EXOC6B: variants seen among roughly 807,000 people sequenced by gnomAD.
EXOC6B encodes the protein SEC15 homolog B.
In EXOC6B, 54 loss-of-function variants were observed where a neutral mutation model predicts 113.5. The observed-to-expected ratio is 0.48, with a 90% CI of 0.38 to 0.60. EXOC6B has a LOEUF of 0.60. EXOC6B is among the 20% of genes least tolerant of loss of function. The probability of loss-of-function intolerance (pLI) is 0.00; values close to 1 mark genes in which losing one functional copy is unlikely to be tolerated. For synonymous variants in EXOC6B, 357 were observed against 339.0 expected (o/e 1.05, Z -0.58); for missense variants, 797 against 977.5 (o/e 0.82, Z 2.46).
chr2:72,727,025 T>C (rs1395533556), intron 5 of EXOC6B, among the ~76,000 whole-genome samples: 1 of 152,130 alleles, frequency 6.6e-6, no homozygotes, highest in Non-Finnish European at 1.5e-5. Context: ...CATGCCATTT[T>C]ATATAAGGGA....
chr2:72,187,912 C>T (rs1678547699), intron 20 of EXOC6B, among the ~76,000 whole-genome samples: 2 of 152,348 alleles, frequency 1.3e-5, no homozygotes, highest in South Asian at 4.1e-4. Flanking sequence ...GAGATTGGAG[C>T]AGCACTGACA....
intron 1 of EXOC6B, among the ~76,000 whole-genome samples, chr2:72,745,878 G>A (rs1460014992): frequency 6.6e-6 from 1 of 152,112 alleles, no homozygotes; most frequent in Non-Finnish European, 1.5e-5. Context: ...TACTACTGAA[G>A]CTAATCTAAT....
intron 6 of EXOC6B, among the ~76,000 whole-genome samples, chr2:72,582,891 A>T (rs1705317226): frequency 6.6e-6 from 1 of 152,206 alleles, no homozygotes; most frequent in Non-Finnish European, 1.5e-5. Flanking sequence ...CAAATAAAGA[A>T]TTCAAAATGG....
At chr2:72,402,484 T>C (rs924975472) in intron 18 of EXOC6B, among the ~76,000 whole-genome samples, 9 of 152,238 alleles carry the variant, frequency 5.9e-5, no homozygotes, top group Non-Finnish European at 1.3e-4. Flanking sequence ...CTACTTTCCT[T>C]TCATTTTACC....
intron 1 of EXOC6B, among the ~76,000 whole-genome samples, chr2:72,784,028 C>G (rs578229945): frequency 6.6e-6 from 1 of 152,068 alleles, no homozygotes; most frequent in Non-Finnish European, 1.5e-5. Flanking sequence ...TTTTTGTAAA[C>G]GGTGAGGGGG....
intron 20 of EXOC6B, among the ~76,000 whole-genome samples, chr2:72,331,294 G>C (rs1255119131): frequency 2.0e-5 from 3 of 152,060 alleles, no homozygotes; most frequent in Non-Finnish European, 4.4e-5. Flanking sequence ...TAGGCACTTA[G>C]ACTTTGATAA....
chr2:72,788,333 G>A (rs1291088561), intron 1 of EXOC6B, among the ~76,000 whole-genome samples: 2 of 152,122 alleles, frequency 1.3e-5, no homozygotes, highest in Admixed American at 6.5e-5. Flanking sequence ...GAATGTGAAG[G>A]CTAGTCATTT....
At chr2:72,422,452 G>A (rs954459335) in intron 18 of EXOC6B, among the ~76,000 whole-genome samples, 2 of 149,244 alleles carry the variant, frequency 1.3e-5, no homozygotes, top group African/African-American at 5.0e-5. Context: ...GTCTAGCTCA[G>A]GGATTGTAAA....
intron 8 of EXOC6B, among the ~76,000 whole-genome samples, chr2:72,529,954 T>C (rs1371062443): frequency 1.3e-5 from 2 of 152,188 alleles, no homozygotes; most frequent in African/African-American, 2.4e-5. Flanking sequence ...TCCATATCAA[T>C]AGTGTCTCTA....
In EXOC6B at chr2:72,401,564, T is replaced by TAC. The variant is rs1375096086; in HGVS notation, c.1981-21696_1981-21695dup. ...ATATATGTGTATATATATATATATA[T>TAC]ACATATATATATATATACATATATA... On this transcript the variant is annotated intron_variant, in intron 18 of 21. Transcript: ENST00000272427. Among the ~76,000 whole-genome samples, 4 of 25,682 alleles carry TAC rather than the reference T, an allele frequency of 1.6e-4. 1 individual carries two copies. The highest frequency in any genetic ancestry group is 1.8e-4 in the Non-Finnish European group (3 of 16,662). 16.8% of individuals were successfully genotyped at this position (25,682 alleles called of 152,430 possible).
Position 72,825,879 on chromosome 2 carries a change from C to T in EXOC6B, c.32G>A (p.Ser11Asn), listed in dbSNP as rs777251116. ...CTCGTGCTCTGCCGCTGTCTCCAGGCTCTCCGCCTCCGCCATCTTACCCCG... is the reference window on the plus strand; with the variant it reads ...CTCGTGCTCTGCCGCTGTCTCCAGGTTCTCCGCCTCCGCCATCTTACCCCG... MERGKMAEAE[S>N]LETAAEHERI... The change falls in exon 1 of 22, where the codon AGC (serine) becomes AAC (asparagine). Residue 11 changes from serine to asparagine, a missense_variant. By Grantham distance (46) the Ser-to-Asn change is conservative (BLOSUM62 1). Transcript: ENST00000272427. The surrounding 1 kb of genome is among the most constrained non-coding windows in gnomAD (Gnocchi z 4.4). 2 of 1,613,356 alleles carry T rather than the reference C, an allele frequency of 1.2e-6. No individual in the cohort carries two copies. Among genetic ancestry groups the T allele is most frequent in the African/African-American group, 1.3e-5 (1 of 74,936 alleles).
At chr2:72,702,067 C>A (rs1215447883) in intron 6 of EXOC6B, among the ~76,000 whole-genome samples, 1 of 150,472 alleles carries the variant, frequency 6.6e-6, no homozygotes, top group Non-Finnish European at 1.5e-5. Context: ...GCTAACCCTC[C>A]CCCCTCCCAC....
chr2:72,614,508 C>G (rs552794442), intron 6 of EXOC6B, among the ~76,000 whole-genome samples: 1 of 152,088 alleles, frequency 6.6e-6, no homozygotes, highest in Non-Finnish European at 1.5e-5. Context: ...ACCTGACTGA[C>G]GCTAATACAA....
intron 20 of EXOC6B, among the ~76,000 whole-genome samples, chr2:72,323,386 G>T (rs1471743580): frequency 6.6e-6 from 1 of 152,152 alleles, no homozygotes; most frequent in Non-Finnish European, 1.5e-5. Flanking sequence ...CACTGTTGGT[G>T]GGAGTGTAAA....
At chr2:72,744,541 G>T (rs577385148) in intron 1 of EXOC6B, among the ~76,000 whole-genome samples, 1 of 152,160 alleles carries the variant, frequency 6.6e-6, no homozygotes, top group East Asian at 1.9e-4. Flanking sequence ...AGGTTTCCAT[G>T]TAAAGATACT....
At chr2:72,337,563 A>G (rs1365900978) in intron 19 of EXOC6B, among the ~76,000 whole-genome samples, 3 of 152,152 alleles carry the variant, frequency 2.0e-5, no homozygotes, top group Non-Finnish European at 4.4e-5. Context: ...TGTGATACAT[A>G]TTTAGTTTTC....
At chr2:72,736,843 A>C (rs553050930) in intron 2 of EXOC6B, among the ~76,000 whole-genome samples, 1 of 152,236 alleles carries the variant, frequency 6.6e-6, no homozygotes, top group African/African-American at 2.4e-5. Context: ...TCTAAGAAGC[A>C]TAGAAAAGAA....
At chr2:72,465,413 A>G in intron 17 of EXOC6B, 74 bp from the exon 18 acceptor site, 4 of 1,102,500 alleles carry the variant, frequency 3.6e-6, no homozygotes, top group Non-Finnish European at 5.2e-6. Context: ...GCTTAGAGCC[A>G]TCTGACATAT....
chr2:72,255,336 A>G (rs992500233), intron 20 of EXOC6B, among the ~76,000 whole-genome samples: 5 of 152,216 alleles, frequency 3.3e-5, no homozygotes, highest in African/African-American at 1.2e-4. Context: ...AATTCTATAA[A>G]CAGAAAAATG....
Sources: gnomAD v4.1 joint callset for allele counts (sites outside exome capture counted in the v4.1 genomes callset) on GRCh38, gnomAD v4.1.1 for gene constraint, Gnocchi (gnomAD v3.1) non-coding constraint, MANE v1.5 for transcripts, NCBI Gene and HGNC (gene_info 2026-07-23, HGNC 2026-07-21) for gene names.